The following IL1RAPL2 variants were observed in gnomAD, a reference collection of about 807,000 sequenced individuals.
The protein encoded by IL1RAPL2 is X-linked interleukin-1 receptor accessory protein-like 2.
A neutral mutation model predicts 44.1 loss-of-function variants in IL1RAPL2; 3 were observed. That is an observed-to-expected ratio of 0.07 (90% CI 0.03 to 0.18). The LOEUF (loss-of-function observed/expected upper bound fraction) is 0.18, where lower values mean the gene tolerates loss of function less well. IL1RAPL2 is among the 10% of genes least tolerant of loss of function. IL1RAPL2 has a pLI of 1.00. For synonymous variants in IL1RAPL2, 181 were observed against 178.8 expected (o/e 1.01, Z -0.10); for missense variants, 391 against 496.4 (o/e 0.79, Z 2.02).
intron 10 of IL1RAPL2, among the ~76,000 whole-genome samples, chrX:105,763,038 A>C (rs2147597730): frequency 9.0e-6 from 1 of 111,721 alleles, no homozygotes; most frequent in Admixed American, 9.5e-5. Flanking sequence ...GCAATGTCTT[A>C]ACTTGATACC....
intron 5 of IL1RAPL2, among the ~76,000 whole-genome samples, chrX:105,388,768 C>G (rs1027500745): frequency 1.8e-5 from 2 of 111,202 alleles, no homozygotes; most frequent in Admixed American, 1.9e-4. Flanking sequence ...TTGCATCTCT[C>G]TCTTATCCAC....
chrX:105,423,690 G>T (rs2035788286), intron 5 of IL1RAPL2, among the ~76,000 whole-genome samples: 1 of 111,074 alleles, frequency 9.0e-6, no homozygotes, highest in South Asian at 3.8e-4. Flanking sequence ...CCCCAATTCA[G>T]CTACTTACCT....
rs1298218520 is a variant in IL1RAPL2, at chrX:105,453,588, T to TAAGCA, written c.698-30723_698-30722insGCAAA. Reference sequence around the variant, plus strand: ...TTTTTTTGCAATGCAATGTATTGCTTAACCATTGACTGGTAAACATTCAAT... The same window carrying TAAGCA: ...TTTTTTTGCAATGCAATGTATTGCTTAAGCAAACCATTGACTGGTAAACATTCAAT... On this transcript the variant is annotated intron_variant, in intron 5 of 10. Transcript: ENST00000372582. 2.1e-4 allele frequency among the ~76,000 whole-genome samples: 24 copies of TAAGCA among 112,337 alleles called. No individual in the cohort carries two copies. The South Asian group carries it at 8.9e-3, about 41-fold the overall frequency.
chrX:104,944,655 G>A (rs950629719), intron 2 of IL1RAPL2, among the ~76,000 whole-genome samples: 2 of 111,802 alleles, frequency 1.8e-5, no homozygotes, highest in African/African-American at 6.5e-5. Context: ...ATGATGTCTA[G>A]TGGGAAACGC....
chrX:104,761,914 TCTCCTTCTC>T (rs57833266), intron 2 of IL1RAPL2, among the ~76,000 whole-genome samples: 15 of 41,886 alleles, frequency 3.6e-4, no homozygotes, highest in East Asian at 5.2e-4. Context: ...TCCTTCTCCT[TCTCCTTCTC>T]CTTCTTCTTC....
At chrX:105,219,425 A>G (rs367979230) in intron 3 of IL1RAPL2, 23 of 1,206,768 alleles carry the variant, frequency 1.9e-5, no homozygotes, top group Non-Finnish European at 2.6e-5. Context: ...CAATAGGTGT[A>G]CTTTTCCTGA....
chrX:105,343,569 A>G (rs1407810734), intron 5 of IL1RAPL2, among the ~76,000 whole-genome samples: 1 of 112,083 alleles, frequency 8.9e-6, no homozygotes, highest in Non-Finnish European at 1.9e-5. Flanking sequence ...GGACATTTAA[A>G]TTATTTCCAA....
chrX:105,598,886 C>T (rs1307486090), intron 6 of IL1RAPL2, among the ~76,000 whole-genome samples: 1 of 112,526 alleles, frequency 8.9e-6, no homozygotes, highest in Non-Finnish European at 1.9e-5. Context: ...TTTCCAAATT[C>T]CCCTGTGGGG....
chrX:104,918,093 C>G lies in IL1RAPL2; in HGVS notation c.82+259098C>G, dbSNP rs1030938523. On this transcript the variant is annotated intron_variant, in intron 2 of 10. Coordinates refer to ENST00000372582, the MANE Select transcript of IL1RAPL2 (RefSeq NM_017416.2). ...AGGAAATTAGCAAGTTAGGCATTAA[C>G]TATAGAATTTTCCATGGTCTGTCGC... Among the ~76,000 whole-genome samples, 19 of 112,427 alleles carry G rather than the reference C, an allele frequency of 1.7e-4. 1 individual carries two copies. Among genetic ancestry groups the G allele is most frequent in the Middle Eastern group, 4.6e-3 (1 of 218 alleles).
chrX:104,663,459 A>T (rs1474257046), intron 2 of IL1RAPL2, among the ~76,000 whole-genome samples: 1 of 111,260 alleles, frequency 9.0e-6, no homozygotes, highest in African/African-American at 3.3e-5. Flanking sequence ...GTGGATATTC[A>T]CACTGTGCTT....
At chrX:104,621,468 G>A (rs1929400003) in intron 1 of IL1RAPL2, among the ~76,000 whole-genome samples, 1 of 108,040 alleles carries the variant, frequency 9.3e-6, no homozygotes, top group African/African-American at 3.4e-5. Context: ...AGAAAGTGGT[G>A]CAGCAGGGTG....
chrX:104,954,486 T>C (rs1391857995), intron 2 of IL1RAPL2, among the ~76,000 whole-genome samples: 1 of 112,593 alleles, frequency 8.9e-6, no homozygotes, highest in African/African-American at 3.2e-5. Flanking sequence ...ATTACACTAA[T>C]AGTTAGAGAT....
chrX:104,944,165 C>T (rs752789204), intron 2 of IL1RAPL2, among the ~76,000 whole-genome samples: 3 of 111,628 alleles, frequency 2.7e-5, no homozygotes, highest in Admixed American at 1.9e-4. Context: ...ACATTTCCAA[C>T]TCTAAATACC....
At chrX:104,705,664 T>C (rs1288764980) in intron 2 of IL1RAPL2, among the ~76,000 whole-genome samples, 1 of 111,549 alleles carries the variant, frequency 9.0e-6, no homozygotes, top group Admixed American at 9.6e-5. Context: ...TTATGTACCA[T>C]GTATCAAAAA....
At chrX:104,968,521 T>C (rs1444249939) in intron 2 of IL1RAPL2, among the ~76,000 whole-genome samples, 3 of 111,529 alleles carry the variant, frequency 2.7e-5, no homozygotes, top group African/African-American at 9.7e-5. Flanking sequence ...CTCAACAGTG[T>C]ACCAGAGGTC....
chrX:105,033,742 C>T (rs1727270337), intron 2 of IL1RAPL2, among the ~76,000 whole-genome samples: 2 of 111,125 alleles, frequency 1.8e-5, no homozygotes. Flanking sequence ...GTGGCGTTCT[C>T]TGTATTTCCT....
intron 6 of IL1RAPL2, among the ~76,000 whole-genome samples, chrX:105,517,678 C>T (rs1197760340): frequency 9.0e-6 from 1 of 111,116 alleles, no homozygotes; most frequent in African/African-American, 3.3e-5. Context: ...AAAACAAAAA[C>T]AAACAAACCT....
intron 2 of IL1RAPL2, among the ~76,000 whole-genome samples, chrX:104,844,138 T>C (rs936456080): frequency 9.0e-6 from 1 of 110,880 alleles, no homozygotes; most frequent in Non-Finnish European, 1.9e-5. Context: ...TGGCAAACTT[T>C]TATAATCCTT....
chrX:105,226,385 CTTTTTTTTTT>C (rs35192051), intron 3 of IL1RAPL2, among the ~76,000 whole-genome samples: 56 of 53,332 alleles, frequency 1.1e-3, no homozygotes, highest in East Asian at 8.5e-3. Context: ...TTTCTTTTCC[CTTTTTTTTTT>C]TTTTTTTTTT....
Sources: gnomAD v4.1 joint callset for allele counts (sites outside exome capture counted in the v4.1 genomes callset) on GRCh38, gnomAD v4.1.1 for gene constraint, MANE v1.5 for transcripts, NCBI Gene and HGNC (gene_info 2026-07-23, HGNC 2026-07-21) for gene names.